PSMD2: variants seen among roughly 807,000 people sequenced by gnomAD.
The protein encoded by PSMD2 is proteasome 26S subunit ubiquitin receptor, non-ATPase 2, also known as 26S proteasome non-ATPase regulatory subunit 2.
Under a neutral mutation model 101.5 loss-of-function variants are expected in PSMD2, and 8 were observed. The observed-to-expected ratio is 0.08, with a 90% CI of 0.05 to 0.14. The LOEUF is 0.14. PSMD2 is among the 10% of genes least tolerant of loss of function. The pLI, the probability that PSMD2 is intolerant of heterozygous loss-of-function variation, is 1.00. For synonymous variants in PSMD2, 418 were observed against 433.8 expected, an observed-to-expected ratio of 0.96 and a Z score of 0.45; for missense variants, 784 against 1,147.4, an observed-to-expected ratio of 0.68 and a Z score of 4.58.
chr3:184,299,780 C>T (rs930796284), intron 1 of PSMD2, 71 bp from the exon 2 acceptor site: 3 of 1,307,538 alleles, frequency 2.3e-6, no homozygotes, highest in African/African-American at 2.9e-5. Context: ...TCTTCACCTG[C>T]CCCGGGTAAG....
At position 184,299,376 on chromosome 3, in the gene PSMD2, G is replaced by A. The variant is rs1721567578; in HGVS notation, c.110G>A (p.Gly37Glu). 3.6e-6 allele frequency: 5 copies of A among 1,402,502 alleles called. No homozygotes were observed. Among genetic ancestry groups the A allele is most frequent in the Non-Finnish European group, 4.6e-6 (5 of 1,081,540 alleles). 86.9% of individuals were successfully genotyped at this position (1,402,502 alleles called of 1,614,324 possible). A position where few individuals can be genotyped will look rare whatever the true frequency, so the allele number is the denominator to read the frequency against. Residue 37 changes from glycine to glutamate, a missense_variant, in exon 1 of 21, where the codon GGG becomes GAG. Gly to Glu is a moderately conservative substitution (Grantham distance 98, BLOSUM62 -2). Around this residue, in one of 6 missense-constraint regions of PSMD2, gnomAD observed 196 missense variants for 182.4 expected, o/e 1.07. Transcript: ENST00000310118. ...KPSGKERRDA[G>E]DKDKEQELSE... Reference sequence around the variant, plus strand: ...AGCGGCAAGGAGCGGCGGGATGCCGGGGACAAGGACAAAGAACAGGAGCTG... The same window carrying A: ...AGCGGCAAGGAGCGGCGGGATGCCGAGGACAAGGACAAAGAACAGGAGCTG...
In PSMD2 at chr3:184,308,232, C is replaced by T. The variant is rs1478603983; in HGVS notation, c.2425+216C>T. On this transcript the variant is annotated intron_variant, in intron 19 of 20. Coordinates refer to ENST00000310118, the MANE Select transcript of PSMD2 (RefSeq NM_002808.5). This position sits in a 1 kb window ranked among gnomAD's most constrained non-coding sequence, Gnocchi z 6.0. Reference sequence around the variant, plus strand: ...GAGGGTGATGTGCCCAGCGTCTGCTCCTAAGTCACTGGGGAAATGCGATTT... The same window carrying T: ...GAGGGTGATGTGCCCAGCGTCTGCTTCTAAGTCACTGGGGAAATGCGATTT... Among the ~76,000 whole-genome samples the T allele has an allele frequency of 6.6e-6, 1 of 152,178 alleles. No individual in the cohort carries two copies. The highest frequency in any genetic ancestry group is 1.5e-5 in the Non-Finnish European group (1 of 68,034).
intron 7 of PSMD2, 89 bp downstream of exon 7, chr3:184,302,912 C>G: frequency 6.2e-7 from 1 of 1,610,468 alleles, no homozygotes; most frequent in East Asian, 2.2e-5. Context: ...CTAGACTCTC[C>G]TTGATTAGAA....
chr3:184,303,757 T>C lies in PSMD2; in HGVS notation c.1323+8T>C. 6.2e-7 allele frequency: 1 copy of C among 1,613,712 alleles called. No individual in the cohort carries two copies. The highest frequency in any genetic ancestry group is 8.5e-7 in the Non-Finnish European group (1 of 1,179,536). On this transcript the variant is annotated splice_region_variant and intron_variant, in intron 10 of 20. Coordinates refer to ENST00000310118, the MANE Select transcript of PSMD2 (RefSeq NM_002808.5). ...TCTGAGGACTACATTAAGGTTGGTC[T>C]GCATACAGCCTGCTCATGGGGACTT... is the stretch of plus-strand genomic sequence containing the variant.
Position 184,304,816 on chromosome 3 carries a change from A to G in PSMD2, c.1539+425A>G, listed in dbSNP as rs1379029409. On this transcript the variant is annotated intron_variant, in intron 12 of 20. Transcript: ENST00000310118. The surrounding 1 kb of genome is among the most constrained non-coding windows in gnomAD (Gnocchi z 4.1). ...TGAGGTGGGAGAATTGCTTGAACCC[A>G]GAGGTGGAGGTTGCAGTGAGCTGAG... Among the ~76,000 whole-genome samples, 2 of 152,042 alleles carry G rather than the reference A, an allele frequency of 1.3e-5. No homozygotes were observed. Among genetic ancestry groups the G allele is most frequent in the African/African-American group, 2.4e-5 (1 of 41,398 alleles).
Position 184,300,437 on chromosome 3 carries a change from A to T in PSMD2, c.350A>T (p.Glu117Val), listed in dbSNP as rs1721604369. 1 of 1,613,250 alleles carries T rather than the reference A, an allele frequency of 6.2e-7. No individual in the cohort carries two copies. The highest frequency in any genetic ancestry group is 8.5e-7 in the Non-Finnish European group (1 of 1,179,694). Residue 117 changes from glutamate to valine, a missense_variant, in exon 3 of 21, where the codon GAG becomes GTG. Glu to Val is a moderately radical substitution (Grantham distance 121). Transcript: ENST00000310118. ...KEIYENMAPG[E>V]NKRFAADIIS... ...ATCTATGAGAACATGGCCCCTGGGG[A>T]GAATAAGGTAAAACTGTTTCAAACC...
chr3:184,306,882 G>T (rs533278381), intron 16 of PSMD2, 48 bp downstream of exon 16: 5 of 1,499,332 alleles, frequency 3.3e-6, no homozygotes, highest in Non-Finnish European at 3.7e-6. Context: ...TTGATGGCCT[G>T]GGGTTCCCCA....
intron 5 of PSMD2, 111 bp from the exon 6 acceptor site, chr3:184,302,259 C>T (rs1721671715): frequency 2.4e-6 from 3 of 1,249,402 alleles, no homozygotes; most frequent in Non-Finnish European, 3.3e-6. Flanking sequence ...ACATCTAGCA[C>T]AGTGCCTGGT....
intron 3 of PSMD2, among the ~76,000 whole-genome samples, chr3:184,301,206 G>A (rs1349501374): frequency 6.6e-6 from 1 of 151,788 alleles, no homozygotes; most frequent in Non-Finnish European, 1.5e-5. Context: ...TGTGGTGGTG[G>A]GCGCCTGTAA....
In PSMD2 at chr3:184,303,002, C is replaced by A; in HGVS notation, c.1009C>A (p.Leu337Met). Residue 337 changes from leucine (L) to methionine (M), a missense_variant and splice_region_variant, in exon 8 of 21, where the codon CTG (leucine) becomes ATG (methionine). Leu to Met is a conservative substitution (Grantham distance 15). Around this residue, in one of 6 missense-constraint regions of PSMD2, gnomAD observed 208 missense variants for 301.6 expected, o/e 0.69. Transcript: ENST00000310118. ...NSNFLALARE[L>M]DIMEPKVPDD... ...TTGTGACCCTCTGACTTCTCTTCAGCTGGACATCATGGAGCCCAAGGTGCC... is the reference window on the plus strand; with the variant it reads ...TTGTGACCCTCTGACTTCTCTTCAGATGGACATCATGGAGCCCAAGGTGCC... 6.2e-7 allele frequency: 1 copy of A among 1,614,092 alleles called. No individual in the cohort carries two copies. The highest frequency in any genetic ancestry group is 8.5e-7 in the Non-Finnish European group (1 of 1,180,022).
At position 184,305,885 on chromosome 3, in the gene PSMD2, A is replaced by T. The variant is rs1223763910; in HGVS notation, c.1657A>T (p.Thr553Ser). The change falls in exon 13 of 21, where the codon ACT becomes TCT. Residue 553 changes from threonine to serine, a missense_variant. Transcript: ENST00000310118. ...GAAGTCAGAGACTGAGCTCAAGGAT[A>T]CTTATGCTCGTTGGCTTCCTCTTGG... The part of the protein sequence containing the change: ...MEKSETELKD[T>S]YARWLPLGLG... 6.2e-7 allele frequency: 1 copy of T among 1,614,084 alleles called. No individual in the cohort carries two copies. The highest frequency in any genetic ancestry group is 1.3e-5 in the African/African-American group (1 of 74,928).
intron 10 of PSMD2, 88 bp from the exon 11 acceptor site, chr3:184,303,859 T>C (rs1577157921): frequency 1.2e-6 from 2 of 1,604,030 alleles, no homozygotes; most frequent in East Asian, 4.5e-5. Context: ...CTCTAGTTAA[T>C]AAGGGTGCTG....
At position 184,306,127 on chromosome 3, in the gene PSMD2, C is replaced by T; in HGVS notation, c.1776C>T (p.Asn592=). Residue 592 remains asparagine (N), a synonymous_variant, in exon 14 of 21, where the codon AAC becomes AAT. Coordinates refer to ENST00000310118, the MANE Select transcript of PSMD2 (RefSeq NM_002808.5). The part of the protein sequence containing the change: ...VVSEPFRSFA[N]TLVDVCAYAG... ...CAGAGCCATTCCGCAGTTTTGCCAA[C>T]ACACTGGTGGATGTGTGTGCATATG... is the stretch of plus-strand genomic sequence containing the variant. 6.2e-7 allele frequency: 1 copy of T among 1,614,192 alleles called. No homozygotes were observed. Among genetic ancestry groups the T allele is most frequent in the Non-Finnish European group, 8.5e-7 (1 of 1,180,038 alleles).
chr3:184,306,604 T>TTGAAATAGC (rs1202354783), intron 15 of PSMD2, 109 bp downstream of exon 15: 2 of 1,541,150 alleles, frequency 1.3e-6, no homozygotes, highest in African/African-American at 2.8e-5. Context: ...TTGCCATGTA[T>TTGAAATAGC]TGAAATAGCG....
At position 184,299,862 on chromosome 3, in the gene PSMD2, T is replaced by A. The variant is rs1206952258; in HGVS notation, c.147T>A (p.Asp49Glu). 13 of 1,613,878 alleles carry A rather than the reference T, an allele frequency of 8.1e-6. No homozygotes were observed. Among genetic ancestry groups the A allele is most frequent in the Non-Finnish European group, 1.0e-5 (12 of 1,179,744 alleles). The part of the protein sequence containing the change: ...KDKEQELSEE[D>E]KQLQDELEML... ...TCCCAACCCTCCAGTCTGAAGAGGA[T>A]AAACAGCTTCAAGATGAACTGGAGA... The change falls in exon 2 of 21, where the codon GAT becomes GAA. Residue 49 changes from aspartate to glutamate, a missense_variant. By Grantham distance (45) the Asp-to-Glu change is conservative. Coordinates refer to ENST00000310118, the MANE Select transcript of PSMD2 (RefSeq NM_002808.5).
At position 184,305,781 on chromosome 3, in the gene PSMD2, C is replaced by T; in HGVS notation, c.1553C>T (p.Thr518Ile). The change falls in exon 13 of 21, where the codon ACA (threonine) becomes ATA (isoleucine). Residue 518 changes from threonine (T) to isoleucine (I), a missense_variant. Physicochemically the swap from Thr to Ile is moderately conservative, Grantham distance 89. This residue lies in a region of PSMD2 where 282 missense variants were observed against 437.6 expected (regional missense o/e 0.64). Transcript: ENST00000310118. ...TCCTACCTCTAGGTGGCAGGTGTCA[C>T]AGCTTTAGCCTGTGGAATGATAGCA... is the stretch of plus-strand genomic sequence containing the variant. Reference protein sequence around the residue: ...SKSSMEVAGVTALACGMIAVG... With the variant: ...SKSSMEVAGVIALACGMIAVG... 3 of 1,613,600 alleles carry T rather than the reference C, an allele frequency of 1.9e-6. No homozygotes were observed. Among genetic ancestry groups the T allele is most frequent in the South Asian group, 1.1e-5 (1 of 91,010 alleles).
At chr3:184,306,176 GTC>G (rs1560196263) in intron 14 of PSMD2, 21 bp downstream of exon 14, 1 of 1,612,928 alleles carries the variant, frequency 6.2e-7, no homozygotes, top group Non-Finnish European at 8.5e-7. Flanking sequence ...TTATGAGTCT[GTC>G]TTGTGCTTCC....
At chr3:184,303,838 C>T (rs60496486) in intron 10 of PSMD2, 89 bp downstream of exon 10, 56,622 of 1,601,788 alleles carry the variant, frequency 0.035, 1,885 homozygotes, top group African/African-American at 0.17. Context: ...TGAGGTCTGC[C>T]CAGTTTTTAA....
Position 184,308,711 on chromosome 3 carries a change from G to A in PSMD2, c.2548G>A (p.Val850Met). Residue 850 changes from valine to methionine, a missense_variant, in exon 21 of 21, where the codon GTG becomes ATG. Around this residue, in one of 6 missense-constraint regions of PSMD2, gnomAD observed 28 missense variants for 80.8 expected, o/e 0.35. Transcript: ENST00000310118. This position sits in a 1 kb window ranked among gnomAD's most constrained non-coding sequence, Gnocchi z 6.0. ...TTTCAATTTTCTTACCCTACAGGCAGTGGATGTGGTGGGCCAGGCTGGCAA... is the reference window on the plus strand; with the variant it reads ...TTTCAATTTTCTTACCCTACAGGCAATGGATGTGGTGGGCCAGGCTGGCAA... ...LPVSVRVGQA[V>M]DVVGQAGKPK... is the part of the protein sequence containing the mutation. 6.2e-7 allele frequency: 1 copy of A among 1,613,040 alleles called. No homozygotes were observed. The highest frequency in any genetic ancestry group is 8.5e-7 in the Non-Finnish European group (1 of 1,179,116).
Sources: gnomAD v4.1 joint callset for allele counts (sites outside exome capture counted in the v4.1 genomes callset) on GRCh38, gnomAD v4.1.1 for gene constraint, gnomAD v4.1.1 regional missense constraint, Gnocchi (gnomAD v3.1) non-coding constraint, MANE v1.5 for transcripts, NCBI Gene and HGNC (gene_info 2026-07-23, HGNC 2026-07-21) for gene names.